Variants in CCNJL observed in about 807,000 individuals in gnomAD.
CCNJL encodes cyclin-J-like protein.
In CCNJL, 33 loss-of-function variants were observed where a neutral mutation model predicts 33.4. The ratio of observed to expected loss-of-function variants is 0.99; its 90% confidence interval spans 0.75 to 1.32. The LOEUF (loss-of-function observed/expected upper bound fraction) is 1.32, where lower values mean the gene tolerates loss of function less well. Ranked by LOEUF, CCNJL falls within the 40% of genes most tolerant of loss-of-function variation. CCNJL has a pLI of 0.00. For synonymous variants in CCNJL, 227 were observed against 220.9 expected (o/e 1.03, Z -0.24); for missense variants, 512 against 499.7 (o/e 1.02, Z -0.23).
chr5:160,309,486 G>C (rs939049618), intron 2 of CCNJL, among the ~76,000 whole-genome samples: 2 of 152,210 alleles, frequency 1.3e-5, no homozygotes, highest in Non-Finnish European at 2.9e-5. Flanking sequence ...AACTAAGAGT[G>C]TCTACTGTGT....
rs1027493988 is a variant in CCNJL, at chr5:160,252,019, G to A, written c.*1359C>T. The A allele has an allele frequency of 6.6e-6, 1 of 152,430 alleles. No individual in the cohort carries two copies. The highest frequency in any genetic ancestry group is 2.4e-5 in the African/African-American group (1 of 41,462). The allele number at this position is 152,430 out of a possible 1,614,324, so 9.4% of individuals were successfully genotyped here. A position where few individuals can be genotyped will look rare whatever the true frequency, so the allele number is the denominator to read the frequency against. ...CTGCCACAGTCTCCAGGACTGGCAA[G>A]GGGCTAAGGAATCCAAGACAGGTAT... On this transcript the variant is annotated 3_prime_UTR_variant, in exon 6 of 6. Transcript: ENST00000257536.
chr5:160,300,121 G>A (rs191432296), intron 2 of CCNJL, among the ~76,000 whole-genome samples: 35 of 152,176 alleles, frequency 2.3e-4, no homozygotes, highest in Middle Eastern at 3.4e-3. Context: ...AGCAGCTGGC[G>A]GCATGGCATG....
At chr5:160,318,999 TGA>T (rs1278392170) in intron 1 of CCNJL, among the ~76,000 whole-genome samples, 5 of 152,224 alleles carry the variant, frequency 3.3e-5, no homozygotes, top group African/African-American at 1.2e-4. Flanking sequence ...CACAACAAGT[TGA>T]GAGAGGGCTC....
chr5:160,256,909 C>T (rs1355063200), intron 4 of CCNJL, among the ~76,000 whole-genome samples: 2 of 151,232 alleles, frequency 1.3e-5, no homozygotes, highest in Non-Finnish European at 2.9e-5. Context: ...CAGGGCAAGA[C>T]TTCATCTCAA....
intron 3 of CCNJL, among the ~76,000 whole-genome samples, chr5:160,276,939 A>C (rs1418229474): frequency 1.3e-5 from 2 of 151,950 alleles, no homozygotes; most frequent in Non-Finnish European, 2.9e-5. Flanking sequence ...ATGAGCCACC[A>C]ACACCCAGCT....
At chr5:160,332,540 A>G (rs1003015633) in intron 1 of CCNJL, among the ~76,000 whole-genome samples, 1 of 152,066 alleles carries the variant, frequency 6.6e-6, no homozygotes, top group African/African-American at 2.4e-5. Flanking sequence ...GTCTGACCTC[A>G]TCTTCTCCCA....
chr5:160,329,350 CTTTT>C (rs1164893806), intron 1 of CCNJL, among the ~76,000 whole-genome samples: 5 of 133,042 alleles, frequency 3.8e-5, no homozygotes, highest in Admixed American at 1.5e-4. Flanking sequence ...AGGAAGTCTT[CTTTT>C]TTTTTTTTTT....
At position 160,277,478 on chromosome 5, in the gene CCNJL, G is replaced by A. The variant is rs534203517; in HGVS notation, c.280+3047C>T. ...AAGATGAAAGATTAAAGAAGAGGGA[G>A]GCTCAACTTCATTTACTGTTTAGTG... On this transcript the variant is annotated intron_variant, in intron 3 of 5. Transcript: ENST00000257536. Among the ~76,000 whole-genome samples, 5 of 152,292 alleles carry A rather than the reference G, an allele frequency of 3.3e-5. 1 individual carries two copies. The East Asian group carries it at 9.6e-4, about 29-fold the overall frequency.
intron 1 of CCNJL, among the ~76,000 whole-genome samples, chr5:160,320,084 G>T (rs1763421998): frequency 6.6e-6 from 1 of 151,982 alleles, no homozygotes; most frequent in South Asian, 2.1e-4. Flanking sequence ...ACCCTCTATG[G>T]GCCACTTATG....
rs1760922214 is a variant in CCNJL at position 160,253,752 on chromosome 5, C to T, written c.790G>A (p.Ala264Thr). 3 of 1,546,220 alleles carry T rather than the reference C, an allele frequency of 1.9e-6. No individual in the cohort carries two copies. The highest frequency in any genetic ancestry group is 2.6e-6 in the Non-Finnish European group (3 of 1,147,802). Residue 264 changes from alanine to threonine, a missense_variant, in exon 6 of 6, where the codon GCC becomes ACC. Ala to Thr is a moderately conservative substitution (Grantham distance 58). Transcript: ENST00000257536. ...LKDAVAVKSQ[A>T]LAMVPGTPPT... Reference sequence around the variant, plus strand: ...GGTGTGCCGGGCACCATTGCCAAGGCCTGGCTCTTGACGGCTACGGCATCC... The same window carrying T: ...GGTGTGCCGGGCACCATTGCCAAGGTCTGGCTCTTGACGGCTACGGCATCC...
upstream of CCNJL, chr5:160,315,509 A>G (rs1581017133): frequency 1.2e-5 from 4 of 326,582 alleles, no homozygotes; most frequent in South Asian, 4.3e-5. Flanking sequence ...ACTGCCTCTG[A>G]AAACAAAAAC....
At chr5:160,253,909 TC>T in intron 5 of CCNJL, 111 bp from the exon 6 acceptor site, 2 of 787,296 alleles carry the variant, frequency 2.5e-6, no homozygotes, top group Non-Finnish European at 3.9e-6. Context: ...GTGTCCTGTG[TC>T]CACCAGGCCT....
chr5:160,322,943 T>C (rs993562258), intron 1 of CCNJL, among the ~76,000 whole-genome samples: 1 of 136,384 alleles, frequency 7.3e-6, no homozygotes, highest in Admixed American at 7.7e-5. Flanking sequence ...ATAATAAAAA[T>C]GTCCCTCAAG....
At chr5:160,335,493 T>C (rs1354519876) in intron 1 of CCNJL, among the ~76,000 whole-genome samples, 2 of 152,156 alleles carry the variant, frequency 1.3e-5, no homozygotes, top group Non-Finnish European at 2.9e-5. Flanking sequence ...TCTTTCAAGG[T>C]CTCTGATCTC....
chr5:160,269,994 C>T (rs1761766848), intron 3 of CCNJL, among the ~76,000 whole-genome samples: 1 of 152,188 alleles, frequency 6.6e-6, no homozygotes, highest in South Asian at 2.1e-4. Flanking sequence ...ATTAGTAAAT[C>T]TGTGTAAAAA....
chr5:160,285,801 TA>T (rs1227579053), intron 2 of CCNJL, among the ~76,000 whole-genome samples: 3 of 152,120 alleles, frequency 2.0e-5, no homozygotes, highest in Non-Finnish European at 4.4e-5. Flanking sequence ...CTGAGGGCAA[TA>T]GAAACTGAAG....
intron 1 of CCNJL, among the ~76,000 whole-genome samples, chr5:160,332,585 T>C (rs1763623069): frequency 6.6e-6 from 1 of 152,186 alleles, no homozygotes; most frequent in Admixed American, 6.5e-5. Context: ...CCCACCACAC[T>C]GGCCTCTTGC....
intron 2 of CCNJL, among the ~76,000 whole-genome samples, chr5:160,291,036 T>TAA (rs1177369719): frequency 0.041 from 2,348 of 57,484 alleles, 217 homozygotes; most frequent in African/African-American, 0.17. Flanking sequence ...CGTCTTTACT[T>TAA]AAAAAAAAAA....
intron 1 of CCNJL, among the ~76,000 whole-genome samples, chr5:160,320,825 CTTTCTTTCTT>C (rs1561812436): frequency 5.1e-5 from 6 of 116,526 alleles, no homozygotes; most frequent in Non-Finnish European, 9.2e-5. Context: ...TTCTTTCTTT[CTTTCTTTCTT>C]TCTTTCTTTC....
Sources: gnomAD v4.1 joint callset for allele counts (sites outside exome capture counted in the v4.1 genomes callset) on GRCh38, gnomAD v4.1.1 for gene constraint, MANE v1.5 for transcripts, NCBI Gene and HGNC (gene_info 2026-07-23, HGNC 2026-07-21) for gene names.